PRKX: variants seen among roughly 807,000 people sequenced by gnomAD.
The protein encoded by PRKX is cAMP-dependent protein kinase catalytic subunit PRKX.
In PRKX, 12 loss-of-function variants were observed where a neutral mutation model predicts 22.0. The ratio of observed to expected loss-of-function variants is 0.54; its 90% CI spans 0.35 to 0.88. The LOEUF is 0.88. Ranked by LOEUF, PRKX falls within the 40% of genes least tolerant of loss-of-function variation. The probability of loss-of-function intolerance (pLI) is 0.01; values close to 1 mark genes in which losing one functional copy is unlikely to be tolerated. For missense variants in PRKX, 217 were observed against 308.0 expected, an observed-to-expected ratio of 0.70 and a Z score of 2.21; for synonymous variants, 134 against 137.7, an observed-to-expected ratio of 0.97 and a Z score of 0.19.
intron 2 of PRKX, among the ~76,000 whole-genome samples, chrX:3,657,232 T>C (rs762300803): frequency 1.2e-3 from 131 of 111,919 alleles, no homozygotes; most frequent in Non-Finnish European, 1.9e-3. Context: ...CAGTATGCTA[T>C]GGGCTGAACT....
At chrX:3,632,459 G>T (rs1170312696) in intron 4 of PRKX, among the ~76,000 whole-genome samples, 55 of 60,889 alleles carry the variant, frequency 9.0e-4, no homozygotes, top group Non-Finnish European at 7.5e-4. Context: ...GGTTTGGGTG[G>T]CGACTCAGCT....
At chrX:3,698,988 T>A (rs865926956) in intron 1 of PRKX, among the ~76,000 whole-genome samples, 21 of 104,177 alleles carry the variant, frequency 2.0e-4, no homozygotes, top group Middle Eastern at 4.8e-3. Context: ...TTTTTTGAGA[T>A]GGAGTCTCGC....
At chrX:3,709,410 T>C (rs771825978) in intron 1 of PRKX, among the ~76,000 whole-genome samples, 1 of 111,246 alleles carries the variant, frequency 9.0e-6, no homozygotes, top group Admixed American at 9.7e-5. Context: ...TTTGGAGTCT[T>C]CCTCATCGTC....
intron 6 of PRKX, among the ~76,000 whole-genome samples, chrX:3,617,009 CACAT>C (rs903498136): frequency 9.0e-6 from 1 of 111,009 alleles, no homozygotes; most frequent in Non-Finnish European, 1.9e-5. Context: ...CATATATACA[CACAT>C]AGATTGATAT....
At chrX:3,647,065 A>C (rs1159397421) in intron 3 of PRKX, among the ~76,000 whole-genome samples, 2 of 111,373 alleles carry the variant, frequency 1.8e-5, no homozygotes, top group Admixed American at 9.7e-5. Context: ...GAAAAGGTCT[A>C]AAGTAACTAG....
intron 1 of PRKX, among the ~76,000 whole-genome samples, chrX:3,689,456 G>A (rs975477082): frequency 8.9e-6 from 1 of 112,161 alleles, no homozygotes; most frequent in Admixed American, 9.5e-5. Flanking sequence ...GGCCACGGAA[G>A]GACATCAGTT....
chrX:3,702,818 C>T (rs1411713679), intron 1 of PRKX, among the ~76,000 whole-genome samples: 1 of 107,098 alleles, frequency 9.3e-6, no homozygotes, highest in Non-Finnish European at 1.9e-5. Flanking sequence ...CTCAGCCCCC[C>T]GAATAGCTGG....
chrX:3,686,491 G>A (rs1327056112), intron 1 of PRKX, among the ~76,000 whole-genome samples: 3 of 105,562 alleles, frequency 2.8e-5, no homozygotes, highest in Non-Finnish European at 5.8e-5. Flanking sequence ...CCACCTCAGC[G>A]CCCCAAAGTG....
intron 1 of PRKX, among the ~76,000 whole-genome samples, chrX:3,702,920 G>T (rs1055784054): frequency 9.1e-5 from 10 of 110,136 alleles, no homozygotes; most frequent in Non-Finnish European, 1.9e-5. Context: ...GGTCTCAAAC[G>T]TCTGGACTCA....
chrX:3,705,787 T>C (rs111445128), intron 1 of PRKX, among the ~76,000 whole-genome samples: 2,573 of 107,322 alleles, frequency 0.024, 75 homozygotes, highest in African/African-American at 0.067. Flanking sequence ...CCCGGGTTCA[T>C]GCCATTCCGC....
intron 1 of PRKX, among the ~76,000 whole-genome samples, chrX:3,701,968 G>T (rs1436687420): frequency 8.9e-6 from 1 of 112,051 alleles, no homozygotes; most frequent in Non-Finnish European, 1.9e-5. Flanking sequence ...GCAACCAGCA[G>T]CCCTCGAAGC....
Position 3,607,937 on chromosome X carries a change from G to A in PRKX, c.*1032C>T, listed in dbSNP as rs774358373. On this transcript the variant is annotated 3_prime_UTR_variant, in exon 9 of 9. Transcript: ENST00000262848. ...ACTCTGTCACCCAGGCTGGAATGCA[G>A]TGGTGTGATCTCGGATCACTGCGGC... is the stretch of plus-strand genomic sequence containing the variant. 1.0e-5 allele frequency: 1 copy of A among 96,823 alleles called. No individual in the cohort carries two copies. The highest frequency in any genetic ancestry group is 5.4e-4 in the South Asian group (1 of 1,859). The allele number at this position is 96,823 out of a possible 1,213,427, so 8.0% of individuals were successfully genotyped here. A position where few individuals can be genotyped will look rare whatever the true frequency, so the allele number is the denominator to read the frequency against.
chrX:3,677,116 C>T (rs1202250276), intron 1 of PRKX, among the ~76,000 whole-genome samples: 1 of 110,814 alleles, frequency 9.0e-6, no homozygotes. Context: ...GAGGGTAGGG[C>T]TTGAGGGGGA....
chrX:3,613,150 C>CAAAAAAAAAAAAAAAAAAAAAAAAAAA (rs528688936), intron 7 of PRKX, among the ~76,000 whole-genome samples: 13 of 54,315 alleles, frequency 2.4e-4, no homozygotes, highest in Admixed American at 3.1e-4. Context: ...GACTTCGTCT[C>CAAAAAAAAAAAAAAAAAAAAAAAAAAA]AAAAAAAAAA....
At chrX:3,702,910 G>A (rs1349185581) in intron 1 of PRKX, among the ~76,000 whole-genome samples, 1 of 109,988 alleles carries the variant, frequency 9.1e-6, no homozygotes, top group Non-Finnish European at 1.9e-5. Context: ...TGCCCAGGCT[G>A]GTCTCAAACG....
At chrX:3,703,627 A>G (rs936728367) in intron 1 of PRKX, among the ~76,000 whole-genome samples, 1 of 104,888 alleles carries the variant, frequency 9.5e-6, no homozygotes, top group African/African-American at 3.5e-5. Context: ...AATTGCTGGG[A>G]GGCTTCAAAT....
At chrX:3,694,305 T>C (rs1928401013) in intron 1 of PRKX, among the ~76,000 whole-genome samples, 1 of 107,886 alleles carries the variant, frequency 9.3e-6, no homozygotes, top group Non-Finnish European at 1.9e-5. Flanking sequence ...GGAGAATCAT[T>C]TGAACCCGGG....
intron 1 of PRKX, among the ~76,000 whole-genome samples, chrX:3,696,406 G>A (rs1417792660): frequency 1.8e-5 from 2 of 111,722 alleles, no homozygotes; most frequent in African/African-American, 3.2e-5. Flanking sequence ...CCTAACTTAC[G>A]AACATCACAG....
At chrX:3,638,728 A>G (rs931381800) in intron 4 of PRKX, among the ~76,000 whole-genome samples, 14 of 110,987 alleles carry the variant, frequency 1.3e-4, no homozygotes, top group Admixed American at 9.7e-5. Context: ...AGGGATAGGT[A>G]GGTAAGTAGA....
Sources: allele counts gnomAD v4.1 joint callset (sites outside exome capture counted in the v4.1 genomes callset), GRCh38; gene constraint gnomAD v4.1.1; transcripts MANE v1.5; gene names NCBI Gene and HGNC (gene_info 2026-07-23, HGNC 2026-07-21).